KCNMA1: variants seen among roughly 807,000 people sequenced by gnomAD.
KCNMA1 encodes potassium calcium-activated channel subfamily M alpha 1.
KCNMA1 carries 29 observed loss-of-function variants against 140.0 expected under a neutral mutation model. The observed-to-expected ratio is 0.21, with a 90% CI of 0.15 to 0.28. The LOEUF (loss-of-function observed/expected upper bound fraction) is 0.28. Ranked by LOEUF, KCNMA1 falls within the 10% of genes least tolerant of loss-of-function variation. The pLI, the probability that KCNMA1 is intolerant of heterozygous loss-of-function variation, is 1.00. For synonymous variants in KCNMA1, 612 were observed against 611.9 expected (o/e 1.00, Z 0.00); for missense variants, 880 against 1,602.2 (o/e 0.55, Z 7.70).
At chr10:76,930,925 G>A (rs766853112) in intron 23 of KCNMA1, among the ~76,000 whole-genome samples, 15 of 152,142 alleles carry the variant, frequency 9.9e-5, no homozygotes, top group Non-Finnish European at 1.8e-4. Context: ...CTTATACATG[G>A]AATCTAAAAA....
chr10:76,940,538 G>A (rs998213027), intron 23 of KCNMA1, among the ~76,000 whole-genome samples: 3 of 152,176 alleles, frequency 2.0e-5, no homozygotes, highest in East Asian at 3.9e-4. Context: ...ACCCAGTGAG[G>A]TTCTAGAGAC....
rs11298052 is a variant in KCNMA1, at chr10:77,128,393, ATTT to A, written c.809-7348_809-7346del. 7.7e-3 allele frequency among the ~76,000 whole-genome samples: 966 copies of A among 126,072 alleles called. 9 individuals are homozygous for A. Among genetic ancestry groups the A allele is most frequent in the African/African-American group, 0.025 (830 of 32,702 alleles). The allele number at this position is 126,072 out of a possible 152,430, so 82.7% of individuals were successfully genotyped here. On this transcript the variant is annotated intron_variant, in intron 5 of 27. Coordinates refer to ENST00000286628, the MANE Select transcript of KCNMA1 (RefSeq NM_001161352.2). ...TTTGGCCATCCCCATCATATAGATAATTTTTTTTTTTTTTTTTTTACTGCATCT... is the reference window on the plus strand; with the variant it reads ...TTTGGCCATCCCCATCATATAGATAATTTTTTTTTTTTTTTTACTGCATCT...
At chr10:77,608,959 G>A (rs1000687824) in intron 1 of KCNMA1, among the ~76,000 whole-genome samples, 2 of 152,246 alleles carry the variant, frequency 1.3e-5, no homozygotes. Context: ...GCTGGTGTGG[G>A]TATAAAGAAA....
chr10:77,224,336 T>C (rs1326124497), intron 3 of KCNMA1, among the ~76,000 whole-genome samples: 1 of 152,218 alleles, frequency 6.6e-6, no homozygotes, highest in Non-Finnish European at 1.5e-5. Context: ...ACTTTAGAAG[T>C]GGAGTTTTGA....
intron 6 of KCNMA1, among the ~76,000 whole-genome samples, chr10:77,114,969 T>C (rs1036088308): frequency 6.6e-6 from 1 of 152,218 alleles, no homozygotes; most frequent in Non-Finnish European, 1.5e-5. Flanking sequence ...TTCTAGGCAT[T>C]TAAGATCACA....
At chr10:77,169,091 CAAA>C (rs1173382457) in intron 5 of KCNMA1, among the ~76,000 whole-genome samples, 1 of 152,142 alleles carries the variant, frequency 6.6e-6, no homozygotes, top group Non-Finnish European at 1.5e-5. Context: ...CACCCATGAT[CAAA>C]AGAGTGGCTC....
At chr10:76,909,795 A>G (rs1208721509) in intron 25 of KCNMA1, among the ~76,000 whole-genome samples, 171 bp downstream of exon 25, 1 of 152,038 alleles carries the variant, frequency 6.6e-6, no homozygotes, top group Non-Finnish European at 1.5e-5. Flanking sequence ...ATAATCAAAC[A>G]TTTACTTGTG....
At chr10:77,075,373 G>C (rs938295294) in intron 13 of KCNMA1, among the ~76,000 whole-genome samples, 1 of 152,242 alleles carries the variant, frequency 6.6e-6, no homozygotes, top group African/African-American at 2.4e-5. Flanking sequence ...TGAGAGGAAT[G>C]AGGAGAAATT....
chr10:77,038,477 C>A (rs1483698341), intron 15 of KCNMA1, among the ~76,000 whole-genome samples: 1 of 152,160 alleles, frequency 6.6e-6, no homozygotes, highest in Non-Finnish European at 1.5e-5. Flanking sequence ...TTTCACCAAC[C>A]TCAGGGAGTT....
chr10:77,312,472 A>C (rs2079573548), intron 2 of KCNMA1, among the ~76,000 whole-genome samples: 1 of 152,204 alleles, frequency 6.6e-6, no homozygotes, highest in South Asian at 2.1e-4. Context: ...CTAAAGATAC[A>C]AAAAATAACT....
At chr10:77,179,739 C>T (rs2098787738) in intron 5 of KCNMA1, among the ~76,000 whole-genome samples, 1 of 152,150 alleles carries the variant, frequency 6.6e-6, no homozygotes, top group Non-Finnish European at 1.5e-5. Context: ...GAGATGTGAC[C>T]TTGGACAAGA....
chr10:77,564,713 TGAAA>T (rs1282944724), intron 1 of KCNMA1, among the ~76,000 whole-genome samples: 1 of 151,832 alleles, frequency 6.6e-6, no homozygotes, highest in Non-Finnish European at 1.5e-5. Flanking sequence ...GGCATCTAGG[TGAAA>T]GAAAGAATGA....
intron 5 of KCNMA1, among the ~76,000 whole-genome samples, chr10:77,167,494 A>G (rs1481293681): frequency 6.6e-6 from 1 of 152,118 alleles, no homozygotes; most frequent in Non-Finnish European, 1.5e-5. Context: ...TTAAACTCCA[A>G]GCCTAGGACA....
chr10:77,277,874 A>G (rs1516507), intron 2 of KCNMA1, among the ~76,000 whole-genome samples: 90,822 of 152,024 alleles, frequency 0.6, 28,660 homozygotes, highest in African/African-American at 0.81. Flanking sequence ...TTGGACATGG[A>G]CTGTTGGGAC....
At chr10:76,957,781 A>G (rs2068980651) in intron 20 of KCNMA1, among the ~76,000 whole-genome samples, 1 of 152,166 alleles carries the variant, frequency 6.6e-6, no homozygotes, top group African/African-American at 2.4e-5. Flanking sequence ...GCAGCGTGGG[A>G]GAGGGATTAA....
At chr10:77,091,109 A>G (rs1381582244) in intron 9 of KCNMA1, 1 of 161,234 alleles carries the variant, frequency 6.2e-6, no homozygotes, top group African/African-American at 2.4e-5. Context: ...GGCATGTAAC[A>G]CTTTACAGTA....
rs532655734 is a variant in KCNMA1 at position 77,531,669 on chromosome 10, C to T, written c.378+105596G>A. 2.6e-5 allele frequency among the ~76,000 whole-genome samples: 4 copies of T among 152,368 alleles called. No homozygotes were observed. In the South Asian group the frequency reaches 8.3e-4, roughly 32 times the overall value. ...TGGGATCAGCAGTGTCATCCGTGAA[C>T]ACAGAAACACCCGGCCCTTCATGCA... is the stretch of plus-strand genomic sequence containing the variant. On this transcript the variant is annotated intron_variant, in intron 1 of 27. Transcript: ENST00000286628.
intron 5 of KCNMA1, among the ~76,000 whole-genome samples, chr10:77,133,731 C>T (rs1000426583): frequency 2.0e-5 from 3 of 152,120 alleles, no homozygotes; most frequent in African/African-American, 2.4e-5. Flanking sequence ...GGGATATATT[C>T]GTATCTATAT....
chr10:77,179,022 T>C (rs909964454), intron 5 of KCNMA1, among the ~76,000 whole-genome samples: 1 of 152,162 alleles, frequency 6.6e-6, no homozygotes, highest in South Asian at 2.1e-4. Flanking sequence ...TTCTGGTTTG[T>C]TTTCTCCTGC....
Sources: allele counts gnomAD v4.1 joint callset (sites outside exome capture counted in the v4.1 genomes callset), GRCh38; gene constraint gnomAD v4.1.1; transcripts MANE v1.5; gene names NCBI Gene and HGNC (gene_info 2026-07-23, HGNC 2026-07-21).